The following PRKCA variants were observed in gnomAD, a reference collection of about 807,000 sequenced individuals.
PRKCA encodes protein kinase C alpha.
PRKCA carries 27 observed loss-of-function variants against 87.0 expected under a neutral mutation model. The ratio of observed to expected loss-of-function variants is 0.31; its 90% CI spans 0.23 to 0.43. The LOEUF (loss-of-function observed/expected upper bound fraction) is 0.43. Ranked by LOEUF, PRKCA falls within the 20% of genes least tolerant of loss-of-function variation. The probability of loss-of-function intolerance (pLI) is 1.00; values close to 1 mark genes in which losing one functional copy is unlikely to be tolerated. For synonymous variants in PRKCA, 329 were observed against 311.1 expected, an observed-to-expected ratio of 1.06 and a Z score of -0.61; for missense variants, 518 against 852.3, an observed-to-expected ratio of 0.61 and a Z score of 4.88.
chr17:66,698,819 CAA>C (rs59309576), intron 8 of PRKCA, among the ~76,000 whole-genome samples: 9,426 of 102,682 alleles, frequency 0.092, 340 homozygotes, highest in South Asian at 0.17. Flanking sequence ...ACTAAAAATA[CAA>C]AAAAAAAAAA....
At chr17:66,566,368 G>A (rs1347904152) in intron 3 of PRKCA, among the ~76,000 whole-genome samples, 1 of 151,254 alleles carries the variant, frequency 6.6e-6, no homozygotes. Flanking sequence ...TATTTTTTAT[G>A]TTTTAGGGAG....
chr17:66,765,450 A>ATATC (rs1271901085), intron 13 of PRKCA, among the ~76,000 whole-genome samples: 1 of 133,970 alleles, frequency 7.5e-6, no homozygotes, highest in Non-Finnish European at 1.6e-5. Context: ...ATATATATAT[A>ATATC]TATATCCATA....
At chr17:66,640,136 T>C (rs1971252146) in intron 3 of PRKCA, among the ~76,000 whole-genome samples, 1 of 152,204 alleles carries the variant, frequency 6.6e-6, no homozygotes, top group African/African-American at 2.4e-5. Context: ...TGACTCGTTT[T>C]GTCCTTATTT....
intron 5 of PRKCA, among the ~76,000 whole-genome samples, chr17:66,680,003 A>G (rs1972446380): frequency 6.6e-6 from 1 of 152,210 alleles, no homozygotes; most frequent in Non-Finnish European, 1.5e-5. Flanking sequence ...AATAATTATC[A>G]AAATAATGAA....
chr17:66,429,451 G>A (rs1047203577), intron 2 of PRKCA, among the ~76,000 whole-genome samples: 2 of 152,110 alleles, frequency 1.3e-5, no homozygotes, highest in Non-Finnish European at 2.9e-5. Flanking sequence ...TTACAGCTCT[G>A]GGAAGTGAGA....
At chr17:66,453,745 C>G (rs1015037291) in intron 2 of PRKCA, among the ~76,000 whole-genome samples, 1 of 152,128 alleles carries the variant, frequency 6.6e-6, no homozygotes, top group African/African-American at 2.4e-5. Flanking sequence ...TGGGACTCTT[C>G]TGGGTTGTTC....
chr17:66,788,005 G>A (rs1326393555), intron 15 of PRKCA, among the ~76,000 whole-genome samples: 4 of 152,206 alleles, frequency 2.6e-5, no homozygotes, highest in Non-Finnish European at 4.4e-5. Flanking sequence ...CAGAACTGCT[G>A]TGAACCTTCT....
At chr17:66,511,871 G>C (rs1377527156) in intron 3 of PRKCA, among the ~76,000 whole-genome samples, 1 of 151,902 alleles carries the variant, frequency 6.6e-6, no homozygotes, top group African/African-American at 2.4e-5. Flanking sequence ...AGTGGAGACA[G>C]GGTTTCACCA....
intron 2 of PRKCA, among the ~76,000 whole-genome samples, chr17:66,405,489 A>G (rs1225516617): frequency 6.6e-6 from 1 of 152,154 alleles, no homozygotes; most frequent in Non-Finnish European, 1.5e-5. Context: ...ACCTATATTT[A>G]GTGGTACCAC....
chr17:66,374,027 G>A (rs1302263490), intron 2 of PRKCA, among the ~76,000 whole-genome samples: 1 of 152,178 alleles, frequency 6.6e-6, no homozygotes, highest in Admixed American at 6.5e-5. Flanking sequence ...CTGGGTGCAT[G>A]TCCTGGATCT....
At chr17:66,534,985 T>A (rs1323439570) in intron 3 of PRKCA, among the ~76,000 whole-genome samples, 1 of 152,230 alleles carries the variant, frequency 6.6e-6, no homozygotes, top group Non-Finnish European at 1.5e-5. Context: ...GCCACCACCG[T>A]AAGTAATAAT....
intron 8 of PRKCA, among the ~76,000 whole-genome samples, chr17:66,717,915 T>TC (rs1184936190): frequency 6.6e-6 from 1 of 152,144 alleles, no homozygotes; most frequent in Non-Finnish European, 1.5e-5. Context: ...GGGAGAAAAC[T>TC]CCAAGTAGCA....
intron 3 of PRKCA, among the ~76,000 whole-genome samples, chr17:66,590,144 A>G (rs1969756450): frequency 6.6e-6 from 1 of 152,162 alleles, no homozygotes; most frequent in South Asian, 2.1e-4. Context: ...CAGCAGGCTC[A>G]GGACATGAGG....
At chr17:66,649,315 C>A (rs984087830) in intron 5 of PRKCA, among the ~76,000 whole-genome samples, 2 of 152,198 alleles carry the variant, frequency 1.3e-5, no homozygotes, top group Non-Finnish European at 2.9e-5. Context: ...CCAAATAGTT[C>A]AGGCATGGGT....
At chr17:66,409,791 C>T (rs776989473) in intron 2 of PRKCA, among the ~76,000 whole-genome samples, 4 of 152,130 alleles carry the variant, frequency 2.6e-5, no homozygotes, top group African/African-American at 4.8e-5. Flanking sequence ...ATTAGCCAGA[C>T]GTGGTGGCAG....
chr17:66,373,901 C>T (rs1357097550), intron 2 of PRKCA, among the ~76,000 whole-genome samples: 2 of 152,132 alleles, frequency 1.3e-5, no homozygotes, highest in African/African-American at 4.8e-5. Context: ...CTTATCACCC[C>T]GGGAGCCCTT....
rs1568003752 is a variant in PRKCA, at chr17:66,735,458, AGT to A, written c.1057-28_1057-27del. 2.5e-6 allele frequency: 4 copies of A among 1,613,926 alleles called. No individual in the cohort carries two copies. The South Asian group carries it at 4.4e-5, about 18-fold the overall frequency. On this transcript the variant is annotated intron_variant, in intron 9 of 16. Coordinates refer to ENST00000413366, the MANE Select transcript of PRKCA (RefSeq NM_002737.3). ...CTGCCCCCCAAGATATGTGCTTACA[AGT>A]GTTCAGGTTGTTCTTGACGTGTTCT...
intron 2 of PRKCA, among the ~76,000 whole-genome samples, chr17:66,409,033 C>CAAAAAAAAAAA (rs10661202): frequency 1.3e-5 from 1 of 76,966 alleles, no homozygotes. Flanking sequence ...TCCCCAGTCT[C>CAAAAAAAAAAA]AAAAAAAAAA....
chr17:66,403,424 ATAGAAAC>A (rs1911154745), intron 2 of PRKCA, among the ~76,000 whole-genome samples: 1 of 152,228 alleles, frequency 6.6e-6, no homozygotes, highest in African/African-American at 2.4e-5. Context: ...CAATGGGCAG[ATAGAAAC>A]CTGCAGCTCC....
Sources: gnomAD v4.1 joint callset for allele counts (sites outside exome capture counted in the v4.1 genomes callset) on GRCh38, gnomAD v4.1.1 for gene constraint, MANE v1.5 for transcripts, NCBI Gene and HGNC (gene_info 2026-07-23, HGNC 2026-07-21) for gene names.